IDE: variants seen among roughly 807,000 people sequenced by gnomAD.
IDE encodes the protein insulin degrading enzyme.
In IDE, 58 loss-of-function variants were observed where a neutral mutation model predicts 133.2. That is an observed-to-expected ratio of 0.44 (90% CI 0.35 to 0.54). The LOEUF is 0.54. Among genes scored for constraint, IDE ranks in the 20% least tolerant of loss-of-function variants. IDE has a pLI of 0.00. For synonymous variants in IDE, 396 were observed against 421.3 expected (o/e 0.94, Z 0.73); for missense variants, 981 against 1,234.0 (o/e 0.79, Z 3.07).
At chr10:92,471,215 C>T (rs922029938) in intron 17 of IDE, among the ~76,000 whole-genome samples, 2 of 151,888 alleles carry the variant, frequency 1.3e-5, no homozygotes, top group African/African-American at 2.4e-5. Context: ...TAATTTAATC[C>T]TTCTGTAAGG....
At chr10:92,505,598 C>G (rs1427568892) in intron 10 of IDE, among the ~76,000 whole-genome samples, 3 of 151,908 alleles carry the variant, frequency 2.0e-5, no homozygotes, top group African/African-American at 7.3e-5. Context: ...AGACAACAAA[C>G]AAATATTGTA....
At chr10:92,508,253 C>A in intron 7 of IDE, 48 bp from the exon 8 acceptor site, 1 of 1,439,538 alleles carries the variant, frequency 6.9e-7, no homozygotes, top group Non-Finnish European at 9.6e-7. Flanking sequence ...TATGTGGCTT[C>A]CTTGAAGATA....
At chr10:92,524,390 T>A (rs11187048) in intron 4 of IDE, among the ~76,000 whole-genome samples, 12 of 89,132 alleles carry the variant, frequency 1.3e-4, no homozygotes, top group African/African-American at 2.7e-4. Context: ...TATAATATAT[T>A]TTATATAATA....
At chr10:92,529,952 G>A (rs1037452494) in intron 4 of IDE, among the ~76,000 whole-genome samples, 9 of 151,968 alleles carry the variant, frequency 5.9e-5, no homozygotes, top group Admixed American at 2.0e-4. Flanking sequence ...ATCGCCAGGC[G>A]CAGTGGCTCA....
At chr10:92,538,375 C>T (rs962797759) in intron 1 of IDE, among the ~76,000 whole-genome samples, 3 of 152,180 alleles carry the variant, frequency 2.0e-5, no homozygotes, top group African/African-American at 7.2e-5. Flanking sequence ...GAACAACCCC[C>T]AATGAGGAAC....
chr10:92,548,359 CAAAAAAAAAAA>C lies in IDE; in HGVS notation c.99-10820_99-10810del, dbSNP rs56347361. ...GGGCAACAAGAGCAAAACTCCATCT[CAAAAAAAAAAA>C]AAAAAAAAAAAAAAAAAAGAGTCAG... On this transcript the variant is annotated intron_variant, in intron 1 of 24. Transcript: ENST00000265986. Among the ~76,000 whole-genome samples, 125 of 39,718 alleles carry C rather than the reference CAAAAAAAAAAA, an allele frequency of 3.1e-3. 2 individuals are homozygous for C. The highest frequency in any genetic ancestry group is 5.5e-3 in the East Asian group (3 of 542). 26.1% of individuals were successfully genotyped at this position (39,718 alleles called of 152,430 possible). A position where few individuals can be genotyped will look rare whatever the true frequency, so the allele number is the denominator to read the frequency against.
chr10:92,515,261 C>CT (rs1220283000), intron 4 of IDE, among the ~76,000 whole-genome samples: 302 of 139,000 alleles, frequency 2.2e-3, no homozygotes, highest in East Asian at 3.1e-3. Flanking sequence ...TTAAAAGTGT[C>CT]TTTTTTTTTT....
At chr10:92,476,722 A>T (rs1445175900) in intron 15 of IDE, among the ~76,000 whole-genome samples, 1 of 152,200 alleles carries the variant, frequency 6.6e-6, no homozygotes, top group Non-Finnish European at 1.5e-5. Flanking sequence ...GGTGGCATAT[A>T]CTATATCATC....
rs1844862701 is a variant in IDE at position 92,454,021 on chromosome 10, ATTTTTAAAAAGTTATTACC to A, written c.*404_*422del. Reference sequence around the variant, plus strand: ...AAGTAGAAAGCAAATTTGAGGATCAATTTTTAAAAAGTTATTACCTTTCTAAATGTTGTGAAGCCTTCTA... The same window carrying A: ...AAGTAGAAAGCAAATTTGAGGATCAATTTCTAAATGTTGTGAAGCCTTCTA... On this transcript the variant is annotated 3_prime_UTR_variant, in exon 25 of 25. Transcript: ENST00000265986. 6.5e-6 allele frequency: 1 copy of A among 153,724 alleles called. No individual in the cohort carries two copies. The highest frequency in any genetic ancestry group is 1.4e-5 in the Non-Finnish European group (1 of 69,024). The allele number at this position is 153,724 out of a possible 1,614,324, so 9.5% of individuals were successfully genotyped here. A position where few individuals can be genotyped will look rare whatever the true frequency, so the allele number is the denominator to read the frequency against.
At chr10:92,514,544 C>T (rs1189845596) in intron 5 of IDE, among the ~76,000 whole-genome samples, 2 of 151,948 alleles carry the variant, frequency 1.3e-5, no homozygotes, top group Admixed American at 1.3e-4. Context: ...TGGGCTCAAG[C>T]GATCTTCAGC....
chr10:92,478,496 C>T, intron 15 of IDE: 1 of 285,174 alleles, frequency 3.5e-6, no homozygotes, highest in Non-Finnish European at 6.0e-6. Context: ...GTGGAACTAA[C>T]ACTAATTTGA....
At chr10:92,475,579 T>A (rs1466384886) in intron 16 of IDE, among the ~76,000 whole-genome samples, 1 of 152,132 alleles carries the variant, frequency 6.6e-6, no homozygotes, top group African/African-American at 2.4e-5. Flanking sequence ...GAGGTTGGGA[T>A]GGAACATTCA....
In IDE at chr10:92,573,960, G is replaced by C; in HGVS notation, c.60C>G (p.Val20=). The stretch of plus-strand genomic sequence containing the variant: ...CCGGAGGCGGCAGGCGGGCGCCGAG[G>C]ACTGAGCGGAAGGTGCTGGGCAGTG... ...HPALPSTFRS[V]LGARLPPPER... is the part of the protein sequence containing the mutation. Residue 20 remains valine, a synonymous_variant, in exon 1 of 25, where the codon GTC becomes GTG. Transcript: ENST00000265986. The C allele has an allele frequency of 6.7e-7, 1 of 1,486,016 alleles. No individual in the cohort carries two copies. Among genetic ancestry groups the C allele is most frequent in the Middle Eastern group, 1.8e-4 (1 of 5,712 alleles). The allele number at this position is 1,486,016 out of a possible 1,614,324, so 92.1% of individuals were successfully genotyped here. A position where few individuals can be genotyped will look rare whatever the true frequency, so the allele number is the denominator to read the frequency against.
chr10:92,515,569 T>C (rs930624527), intron 4 of IDE, among the ~76,000 whole-genome samples: 1 of 148,942 alleles, frequency 6.7e-6, no homozygotes, highest in Non-Finnish European at 1.5e-5. Flanking sequence ...CCTTTTTTTT[T>C]TTTTTTTTTG....
At chr10:92,485,992 A>G (rs1489919658) in intron 13 of IDE, among the ~76,000 whole-genome samples, 1 of 152,124 alleles carries the variant, frequency 6.6e-6, no homozygotes, top group Non-Finnish European at 1.5e-5. Context: ...CATAAAAAAC[A>G]GCTGAGGTAA....
intron 1 of IDE, among the ~76,000 whole-genome samples, chr10:92,547,139 G>GT (rs1479179591): frequency 2.6e-5 from 4 of 152,104 alleles, no homozygotes; most frequent in Admixed American, 6.5e-5. Context: ...CTGGAGTGCA[G>GT]TGGCACTATC....
intron 10 of IDE, among the ~76,000 whole-genome samples, chr10:92,506,034 A>G (rs1018088946): frequency 6.6e-6 from 1 of 152,208 alleles, no homozygotes; most frequent in Non-Finnish European, 1.5e-5. Context: ...AATAAACTAC[A>G]ATGGGGACCA....
At chr10:92,570,398 C>T (rs1843729099) in intron 1 of IDE, among the ~76,000 whole-genome samples, 1 of 152,168 alleles carries the variant, frequency 6.6e-6, no homozygotes, top group Admixed American at 6.5e-5. Flanking sequence ...GTGATCACTA[C>T]AGAGTAGACA....
chr10:92,458,497 T>G (rs1002253510), intron 22 of IDE, among the ~76,000 whole-genome samples: 2 of 81,066 alleles, frequency 2.5e-5, no homozygotes, highest in African/African-American at 7.2e-5. Context: ...TCTGTTTTTT[T>G]TTTTTTTTTT....
Sources: gnomAD v4.1 joint callset for allele counts (sites outside exome capture counted in the v4.1 genomes callset) on GRCh38, gnomAD v4.1.1 for gene constraint, MANE v1.5 for transcripts, NCBI Gene and HGNC (gene_info 2026-07-23, HGNC 2026-07-21) for gene names.